Variants in ASB9 observed in about 807,000 individuals in gnomAD.
ASB9 encodes ankyrin repeat and SOCS box protein 9.
In ASB9, 5 loss-of-function variants were observed where a neutral mutation model predicts 16.6. The ratio of observed to expected loss-of-function variants is 0.30; its 90% CI spans 0.16 to 0.63. The LOEUF (loss-of-function observed/expected upper bound fraction) is 0.63, where lower values mean the gene tolerates loss of function less well. ASB9 is among the 30% of genes least tolerant of loss of function. The pLI is 0.82. For synonymous variants in ASB9, 100 were observed against 86.4 expected, an observed-to-expected ratio of 1.16 and a Z score of -0.87; for missense variants, 216 against 229.4, an observed-to-expected ratio of 0.94 and a Z score of 0.38.
chrX:15,244,710 A>C, intron 6 of ASB9, 80 bp from the exon 7 acceptor site: 4 of 976,694 alleles, frequency 4.1e-6, no homozygotes, highest in Non-Finnish European at 5.5e-6. Context: ...AAAAGCATCC[A>C]AGATAGAACA....
At position 15,269,838 on chromosome X, in the gene ASB9, G is replaced by T. The variant is rs1042504001; in HGVS notation, c.37C>A (p.Pro13Thr). 9.1e-6 allele frequency: 11 copies of T among 1,207,346 alleles called. No homozygotes were observed. Among genetic ancestry groups the T allele is most frequent in the South Asian group, 1.8e-5 (1 of 56,068 alleles). Residue 13 changes from proline (P) to threonine (T), a missense_variant, in exon 1 of 7, where the codon CCC (proline) becomes ACC (threonine). Physicochemically the swap from Pro to Thr is conservative, Grantham distance 38. Coordinates refer to ENST00000380488, the MANE Select transcript of ASB9 (RefSeq NM_001031739.3). ...GKQGGMDGSK[P>T]AGPRDFPGIR... ...CCAGGAAAGTCCCTTGGCCCCGCGG[G>T]CTTGCTCCCATCCATGCCCCCTTGT...
chrX:15,247,659 T>A (rs1021762743), intron 6 of ASB9, among the ~76,000 whole-genome samples: 26 of 112,651 alleles, frequency 2.3e-4, no homozygotes, highest in Non-Finnish European at 3.9e-4. Flanking sequence ...ATGGGCCTCG[T>A]AGACATAGAA....
At chrX:15,253,804 T>C (rs897894585) in intron 3 of ASB9, among the ~76,000 whole-genome samples, 1 of 111,692 alleles carries the variant, frequency 9.0e-6, no homozygotes, top group Non-Finnish European at 1.9e-5. Flanking sequence ...TAAATGATTA[T>C]CTGGTGAATC....
intron 1 of ASB9, among the ~76,000 whole-genome samples, chrX:15,260,188 C>G (rs1418514191): frequency 1.8e-5 from 2 of 112,143 alleles, no homozygotes; most frequent in African/African-American, 6.5e-5. Context: ...CACCTGAGGT[C>G]AGGAGTTCGA....
chrX:15,263,413 G>A (rs1198240385), intron 1 of ASB9, among the ~76,000 whole-genome samples: 1 of 111,112 alleles, frequency 9.0e-6, no homozygotes, highest in Non-Finnish European at 1.9e-5. Context: ...AACAGAAAGA[G>A]GAGAAAAAGA....
chrX:15,260,165 G>A (rs1468475677), intron 1 of ASB9, among the ~76,000 whole-genome samples: 2 of 112,160 alleles, frequency 1.8e-5, no homozygotes, highest in Non-Finnish European at 3.8e-5. Context: ...TTGAGAGGCC[G>A]AGGTGGGCAG....
rs1312374223 is a variant in ASB9 at position 15,254,844 on chromosome X, C to A, written c.175G>T (p.Gly59Trp). The A allele has an allele frequency of 8.3e-7, 1 of 1,201,145 alleles. No homozygotes were observed. The highest frequency in any genetic ancestry group is 1.1e-6 in the Non-Finnish European group (1 of 888,244). ...QLSLRNLISQ[G>W]WAVNIITADH... Reference sequence around the variant, plus strand: ...GCCGTGATGATGTTCACAGCCCACCCCTGAAGGAGGGGAAACAGTCAGAGT... The same window carrying A: ...GCCGTGATGATGTTCACAGCCCACCACTGAAGGAGGGGAAACAGTCAGAGT... The change falls in exon 3 of 7, where the codon GGG becomes TGG. Residue 59 changes from glycine (G) to tryptophan (W), a missense_variant and splice_region_variant. Transcript: ENST00000380488.
At chrX:15,259,688 C>G (rs761755021) in intron 1 of ASB9, among the ~76,000 whole-genome samples, 2 of 112,055 alleles carry the variant, frequency 1.8e-5, no homozygotes, top group Admixed American at 1.9e-4. Flanking sequence ...ATCCTTAACC[C>G]AAAACTCCCA....
rs772291898 is a variant in ASB9, at chrX:15,268,910, G to A, written c.94+871C>T. Among the ~76,000 whole-genome samples, 35 of 111,064 alleles carry A rather than the reference G, an allele frequency of 3.2e-4. No individual in the cohort carries two copies. The South Asian group carries it at 0.011, about 36-fold the overall frequency. On this transcript the variant is annotated intron_variant, in intron 1 of 6. Transcript: ENST00000380488. The stretch of plus-strand genomic sequence containing the variant: ...GCTCTGGGTGCTGGGGCTTGTCTCC[G>A]TCACAAGCCCCCAAGGATCTCAACA...
intron 5 of ASB9, among the ~76,000 whole-genome samples, chrX:15,249,918 G>A (rs747511411): frequency 1.1e-4 from 12 of 112,217 alleles, no homozygotes; most frequent in Admixed American, 4.7e-4. Flanking sequence ...ATGAAATGGT[G>A]TTCCAGGTGT....
intron 2 of ASB9, among the ~76,000 whole-genome samples, chrX:15,258,384 A>T (rs1446539256): frequency 2.7e-5 from 3 of 112,321 alleles, no homozygotes; most frequent in Non-Finnish European, 5.6e-5. Context: ...AACTTCTTTT[A>T]GCTAGAATTA....
chrX:15,259,598 G>A (rs367572558), intron 1 of ASB9, among the ~76,000 whole-genome samples: 9 of 112,468 alleles, frequency 8.0e-5, no homozygotes, highest in African/African-American at 2.9e-4. Context: ...TGTGGGTCCC[G>A]GGAAAGGCCC....
chrX:15,249,178 A>T (rs933724167), intron 5 of ASB9, among the ~76,000 whole-genome samples: 8 of 112,392 alleles, frequency 7.1e-5, no homozygotes, highest in Non-Finnish European at 1.3e-4. Context: ...GCCTTTCAGC[A>T]CTGTACATAG....
At chrX:15,248,973 G>T in intron 5 of ASB9, 38 bp from the exon 6 acceptor site, 2 of 1,109,523 alleles carry the variant, frequency 1.8e-6, no homozygotes, top group South Asian at 5.1e-5. Context: ...TCAGCAAGGA[G>T]CAGAATCCAA....
At chrX:15,267,535 GAGAT>G (rs1926605667) in intron 1 of ASB9, among the ~76,000 whole-genome samples, 1 of 71,257 alleles carries the variant, frequency 1.4e-5, no homozygotes, top group Non-Finnish European at 2.5e-5. Flanking sequence ...ACGAGGTCAG[GAGAT>G]TGAGACCATC....
chrX:15,266,792 C>G (rs778005134), intron 1 of ASB9, among the ~76,000 whole-genome samples: 2 of 107,882 alleles, frequency 1.9e-5, no homozygotes, highest in African/African-American at 6.9e-5. Context: ...AAAAATTAGC[C>G]GGGCGTGGTG....
At chrX:15,268,698 G>A (rs1193610805) in intron 1 of ASB9, among the ~76,000 whole-genome samples, 5 of 107,335 alleles carry the variant, frequency 4.7e-5, no homozygotes, top group Non-Finnish European at 9.6e-5. Flanking sequence ...GATTACAGGC[G>A]TAAACCACCG....
chrX:15,267,258 C>CAA (rs1569161812), intron 1 of ASB9, among the ~76,000 whole-genome samples: 1,068 of 76,043 alleles, frequency 0.014, no homozygotes, highest in African/African-American at 0.072. Flanking sequence ...AAAAACACCC[C>CAA]AAAAAATTAG....
At chrX:15,268,351 A>AAACAG (rs1926713011) in intron 1 of ASB9, among the ~76,000 whole-genome samples, 1 of 107,452 alleles carries the variant, frequency 9.3e-6, no homozygotes, top group Admixed American at 9.9e-5. Context: ...AAACAAAACA[A>AAACAG]AACACCCTGA....
Sources: allele counts gnomAD v4.1 joint callset (sites outside exome capture counted in the v4.1 genomes callset), GRCh38; gene constraint gnomAD v4.1.1; transcripts MANE v1.5; gene names NCBI Gene and HGNC (gene_info 2026-07-23, HGNC 2026-07-21).